NOS1AP: variants seen among roughly 807,000 people sequenced by gnomAD.
NOS1AP encodes the protein carboxyl-terminal PDZ ligand of neuronal nitric oxide synthase protein.
In NOS1AP, 21 loss-of-function variants were observed where a neutral mutation model predicts 56.2. The observed-to-expected ratio is 0.37, with a 90% confidence interval of 0.26 to 0.54. The LOEUF is 0.54. NOS1AP is among the 20% of genes least tolerant of loss of function. The pLI is 0.84. For missense variants in NOS1AP, 522 were observed against 657.8 expected (o/e 0.79, Z 2.26); for synonymous variants, 270 against 274.6 (o/e 0.98, Z 0.17).
At chr1:162,265,725 T>C (rs1008562258) in intron 2 of NOS1AP, among the ~76,000 whole-genome samples, 6 of 152,228 alleles carry the variant, frequency 3.9e-5, no homozygotes, top group African/African-American at 1.4e-4. Context: ...CTTGAGATTA[T>C]TTAGCCAGAA....
chr1:162,077,319 G>A (rs1691790661), intron 1 of NOS1AP, among the ~76,000 whole-genome samples: 1 of 151,654 alleles, frequency 6.6e-6, no homozygotes, highest in Non-Finnish European at 1.5e-5. Flanking sequence ...AACATAGAAT[G>A]TCTCCTCATT....
chr1:162,362,424 C>A (rs1453850465), intron 8 of NOS1AP, among the ~76,000 whole-genome samples: 1 of 88,506 alleles, frequency 1.1e-5, no homozygotes, highest in Non-Finnish European at 2.3e-5. Context: ...GCACTCCAGC[C>A]TGGGTGACAG....
At position 162,287,428 on chromosome 1, in the gene NOS1AP, A is replaced by G. The variant is rs1655123209; in HGVS notation, c.262A>G (p.Lys88Glu). 3.7e-6 allele frequency: 6 copies of G among 1,609,950 alleles called. No individual in the cohort carries two copies. The highest frequency in any genetic ancestry group is 1.7e-5 in the Admixed American group (1 of 60,016). ...VDGVKVILKK[K>E]KKLLLLQKKE... ...TGGAGTGAAAGTGATTCTGAAGAAG[A>G]AGAAAAAGGTAAGTGGCTCTGAACC... is the stretch of plus-strand genomic sequence containing the variant. The change falls in exon 3 of 10, where the codon AAG (lysine) becomes GAG (glutamate). Residue 88 changes from lysine (K) to glutamate (E), a missense_variant. Physicochemically the swap from Lys to Glu is moderately conservative, Grantham distance 56. Transcript: ENST00000361897.
At chr1:162,355,071 T>A (rs1457534689) in intron 6 of NOS1AP, 116 bp from the exon 7 acceptor site, 28 of 1,142,722 alleles carry the variant, frequency 2.5e-5, no homozygotes, top group Non-Finnish European at 3.6e-5. Context: ...GTGAAAATGT[T>A]ACAAAGCCAG....
chr1:162,340,996 A>G (rs950608013), intron 5 of NOS1AP, among the ~76,000 whole-genome samples: 3 of 152,198 alleles, frequency 2.0e-5, no homozygotes, highest in East Asian at 1.9e-4. Flanking sequence ...AGTTCTGAGC[A>G]TAGCCCATCA....
rs528371265 is a variant in NOS1AP, at chr1:162,357,192, C to T, written c.939+56C>T. On this transcript the variant is annotated intron_variant, in intron 8 of 9. Coordinates refer to ENST00000361897, the MANE Select transcript of NOS1AP (RefSeq NM_014697.3). Reference sequence around the variant, plus strand: ...GCTCCACTCTCATGGGCTTGATGCACCTTCCCTAGCGAGGGGCTCAGGGCA... The same window carrying T: ...GCTCCACTCTCATGGGCTTGATGCATCTTCCCTAGCGAGGGGCTCAGGGCA... 86 of 1,579,294 alleles carry T rather than the reference C, an allele frequency of 5.4e-5. No individual in the cohort carries two copies. The African/African-American group carries it at 7.0e-4, about 13-fold the overall frequency.
intron 2 of NOS1AP, among the ~76,000 whole-genome samples, chr1:162,174,635 A>C (rs1213023458): frequency 3.9e-5 from 6 of 152,248 alleles, no homozygotes; most frequent in African/African-American, 7.2e-5. Flanking sequence ...CAAAGATAGT[A>C]CAGAGAGTTC....
intron 2 of NOS1AP, among the ~76,000 whole-genome samples, chr1:162,174,181 T>C (rs555948561): frequency 1.3e-5 from 2 of 152,080 alleles, no homozygotes; most frequent in East Asian, 3.9e-4. Context: ...AATGATAGAC[T>C]GGATTAAGAA....
chr1:162,272,521 A>G (rs1419137640), intron 2 of NOS1AP, among the ~76,000 whole-genome samples: 1 of 152,172 alleles, frequency 6.6e-6, no homozygotes, highest in Non-Finnish European at 1.5e-5. Flanking sequence ...ATTGATAGAG[A>G]TGACGCGAGG....
At chr1:162,085,776 C>G (rs868519130) in intron 1 of NOS1AP, among the ~76,000 whole-genome samples, 16 of 152,162 alleles carry the variant, frequency 1.1e-4, no homozygotes, top group African/African-American at 3.9e-4. Context: ...GTCAGCCTCA[C>G]TGGGAAGATA....
intron 2 of NOS1AP, among the ~76,000 whole-genome samples, chr1:162,168,507 G>C (rs906527527): frequency 1.1e-4 from 17 of 152,250 alleles, no homozygotes; most frequent in African/African-American, 3.9e-4. Context: ...AACAGGGTCA[G>C]GCTGCTCAGA....
chr1:162,290,950 C>G (rs973751163), intron 3 of NOS1AP, among the ~76,000 whole-genome samples: 1 of 151,922 alleles, frequency 6.6e-6, no homozygotes, highest in Non-Finnish European at 1.5e-5. Flanking sequence ...AGCTCTGGAA[C>G]CATGCTTTTT....
Position 162,204,097 on chromosome 1 carries a change from C to A in NOS1AP, c.177+49621C>A, listed in dbSNP as rs538259153. ...TCTTGTTAGTGCGTGCCCATTTGTG[C>A]TGCTTCAACCCTGCAATAGTTCATC... On this transcript the variant is annotated intron_variant, in intron 2 of 9. Coordinates refer to ENST00000361897, the MANE Select transcript of NOS1AP (RefSeq NM_014697.3). 6.6e-5 allele frequency among the ~76,000 whole-genome samples: 10 copies of A among 152,336 alleles called. 1 individual carries two copies. The highest frequency in any genetic ancestry group is 6.5e-4 in the Admixed American group (10 of 15,306).
intron 2 of NOS1AP, among the ~76,000 whole-genome samples, chr1:162,259,657 A>G (rs974764366): frequency 3.9e-5 from 6 of 152,238 alleles, no homozygotes; most frequent in African/African-American, 1.4e-4. Flanking sequence ...CATAGTGTGT[A>G]AATCCACACA....
At chr1:162,176,255 C>A (rs1346536850) in intron 2 of NOS1AP, among the ~76,000 whole-genome samples, 1 of 152,216 alleles carries the variant, frequency 6.6e-6, no homozygotes, top group Non-Finnish European at 1.5e-5. Flanking sequence ...ATGTCCTATA[C>A]TTACATTACA....
chr1:162,367,497 G>A lies in NOS1AP; in HGVS notation c.*30G>A. On this transcript the variant is annotated 3_prime_UTR_variant, in exon 10 of 10. Transcript: ENST00000361897. This position sits in a 1 kb window ranked among gnomAD's most constrained non-coding sequence, Gnocchi z 6.5. ...CGAGGGCGAGGAGATGGAGGCGGCG[G>A]CGTGGCTGGAGGGGCCGTGTCTGGC... 1 of 1,525,534 alleles carries A rather than the reference G, an allele frequency of 6.6e-7. No homozygotes were observed. The highest frequency in any genetic ancestry group is 8.8e-7 in the Non-Finnish European group (1 of 1,135,520). The allele number at this position is 1,525,534 out of a possible 1,614,324, so 94.5% of individuals were successfully genotyped here.
intron 8 of NOS1AP, chr1:162,364,589 C>A (rs1338339888): frequency 1.0e-6 from 1 of 985,328 alleles, no homozygotes; most frequent in Non-Finnish European, 1.2e-6. Context: ...AACTGCTCTG[C>A]CTTAAGAAGG....
At chr1:162,139,601 A>G (rs1034111712) in intron 1 of NOS1AP, among the ~76,000 whole-genome samples, 3 of 152,218 alleles carry the variant, frequency 2.0e-5, no homozygotes, top group Admixed American at 2.0e-4. Context: ...GCAGTGGAAT[A>G]ACCCTTTGTA....
At chr1:162,271,487 T>C (rs1654581885) in intron 2 of NOS1AP, among the ~76,000 whole-genome samples, 1 of 152,224 alleles carries the variant, frequency 6.6e-6, no homozygotes, top group African/African-American at 2.4e-5. Flanking sequence ...AAAAGGCCAC[T>C]GTGTAAAATG....
Sources: allele counts gnomAD v4.1 joint callset (sites outside exome capture counted in the v4.1 genomes callset), GRCh38; gene constraint gnomAD v4.1.1; non-coding constraint Gnocchi (gnomAD v3.1); transcripts MANE v1.5; gene names NCBI Gene and HGNC (gene_info 2026-07-23, HGNC 2026-07-21).